Variants in NRG1 observed in about 807,000 individuals in gnomAD.
The protein encoded by NRG1 is pro-neuregulin-1, membrane-bound isoform.
Under a neutral mutation model 63.8 loss-of-function variants are expected in NRG1, and 18 were observed. That is an observed-to-expected ratio of 0.28 (90% CI 0.19 to 0.42). The LOEUF is 0.42. NRG1 is among the 10% of genes least tolerant of loss of function. The pLI, the probability that NRG1 is intolerant of heterozygous loss-of-function variation, is 1.00. For missense variants in NRG1, 762 were observed against 814.7 expected (o/e 0.94, Z 0.79); for synonymous variants, 302 against 301.3 (o/e 1.00, Z -0.02).
chr8:32,277,764 G>T (rs1852263582), intron 1 of NRG1, among the ~76,000 whole-genome samples: 1 of 152,132 alleles, frequency 6.6e-6, no homozygotes, highest in Admixed American at 6.5e-5. Flanking sequence ...TACCTGGGAG[G>T]GCCTTCCATA....
chr8:32,165,849 T>C (rs1839340782), intron 1 of NRG1, among the ~76,000 whole-genome samples: 1 of 152,124 alleles, frequency 6.6e-6, no homozygotes, highest in Admixed American at 6.6e-5. Flanking sequence ...GTGTGAAAGA[T>C]ACCAAGAAAA....
At chr8:32,634,619 A>C (rs1019222344) in intron 5 of NRG1, among the ~76,000 whole-genome samples, 6 of 152,214 alleles carry the variant, frequency 3.9e-5, no homozygotes, top group African/African-American at 1.4e-4. Context: ...TAGAAACTGT[A>C]ATATGTATGT....
At chr8:31,864,712 G>A (rs145315047) in intron 1 of NRG1, among the ~76,000 whole-genome samples, 2 of 152,322 alleles carry the variant, frequency 1.3e-5, no homozygotes, top group African/African-American at 4.8e-5. Flanking sequence ...ACTTAGAACA[G>A]TGAGAGCACT....
chr8:31,759,533 A>G (rs911615877), intron 1 of NRG1, among the ~76,000 whole-genome samples: 3 of 152,124 alleles, frequency 2.0e-5, no homozygotes, highest in Non-Finnish European at 2.9e-5. Context: ...TACAAAAGCC[A>G]TAAGTCACTT....
intron 1 of NRG1, among the ~76,000 whole-genome samples, chr8:32,110,776 G>T (rs933848860): frequency 6.6e-6 from 1 of 152,016 alleles, no homozygotes; most frequent in African/African-American, 2.4e-5. Flanking sequence ...TTCCCTTTCC[G>T]CACAGTCCCC....
At chr8:32,157,485 C>G (rs947119600) in intron 1 of NRG1, among the ~76,000 whole-genome samples, 2 of 150,794 alleles carry the variant, frequency 1.3e-5, no homozygotes, top group African/African-American at 4.9e-5. Flanking sequence ...CATGGTGAAA[C>G]CCTGTCTCTA....
At chr8:32,765,185 C>T (rs1831328431) in exon 12 of NRG1, 1 of 151,990 alleles carries the variant, frequency 6.6e-6, no homozygotes, top group Admixed American at 6.6e-5. Flanking sequence ...AAATCTAACA[C>T]CTTACAAGAG....
chr8:32,761,721 AC>A (rs1410936862), intron 11 of NRG1, among the ~76,000 whole-genome samples: 1 of 151,730 alleles, frequency 6.6e-6, no homozygotes, highest in Non-Finnish European at 1.5e-5. Flanking sequence ...GACTCTTCCC[AC>A]TCATGGACTG....
At chr8:32,180,592 G>A (rs2132099528) in intron 1 of NRG1, among the ~76,000 whole-genome samples, 1 of 152,050 alleles carries the variant, frequency 6.6e-6, no homozygotes, top group East Asian at 1.9e-4. Flanking sequence ...CACAAGTACT[G>A]TTAATATTTT....
At chr8:31,788,076 A>T (rs1820349324) in intron 1 of NRG1, among the ~76,000 whole-genome samples, 1 of 152,154 alleles carries the variant, frequency 6.6e-6, no homozygotes, top group Admixed American at 6.6e-5. Flanking sequence ...ACAGTCAGTG[A>T]TTGCAAAGCT....
chr8:31,818,214 C>T (rs182072753), intron 1 of NRG1, among the ~76,000 whole-genome samples: 2 of 152,270 alleles, frequency 1.3e-5, no homozygotes, highest in East Asian at 1.9e-4. Context: ...TTTGTGCATA[C>T]TTATTGTCAG....
intron 1 of NRG1, among the ~76,000 whole-genome samples, chr8:31,846,550 G>T (rs192685495): frequency 5.3e-5 from 8 of 152,226 alleles, no homozygotes; most frequent in African/African-American, 1.2e-4. Flanking sequence ...GTTTCCTAAG[G>T]CTTCAAATAA....
At chr8:32,551,950 G>T (rs1022849487) in intron 1 of NRG1, among the ~76,000 whole-genome samples, 1 of 133,696 alleles carries the variant, frequency 7.5e-6, no homozygotes, top group East Asian at 2.3e-4. Flanking sequence ...TCGCTCTGTC[G>T]CCAGGCTGGA....
chr8:31,859,047 A>G (rs1429954910), intron 1 of NRG1, among the ~76,000 whole-genome samples: 1 of 152,182 alleles, frequency 6.6e-6, no homozygotes, highest in Non-Finnish European at 1.5e-5. Context: ...CATTGGCAAA[A>G]AAGTGTTGAT....
intron 1 of NRG1, among the ~76,000 whole-genome samples, chr8:32,250,247 C>T (rs1848965270): frequency 6.6e-6 from 1 of 152,090 alleles, no homozygotes; most frequent in African/African-American, 2.4e-5. Context: ...TAGCCAAGTT[C>T]CACTACATTT....
At chr8:31,901,417 GAAA>G (rs1335245950) in intron 1 of NRG1, among the ~76,000 whole-genome samples, 1 of 152,046 alleles carries the variant, frequency 6.6e-6, no homozygotes, top group Admixed American at 6.5e-5. Flanking sequence ...ATCTGAAAAA[GAAA>G]AAAGTGATGA....
chr8:32,265,999 A>G (rs1850894454), intron 1 of NRG1, among the ~76,000 whole-genome samples: 1 of 152,188 alleles, frequency 6.6e-6, no homozygotes, highest in Admixed American at 6.5e-5. Context: ...TACATCAGGG[A>G]CTTGAGCATT....
intron 1 of NRG1, among the ~76,000 whole-genome samples, chr8:32,536,356 G>A (rs1160028463): frequency 6.6e-6 from 1 of 152,158 alleles, no homozygotes; most frequent in South Asian, 2.1e-4. Context: ...GGTCTTAGAT[G>A]TGTGGCCCTC....
At chr8:32,655,854 GTTT>G in intron 5 of NRG1, among the ~76,000 whole-genome samples, 1 of 152,220 alleles carries the variant, frequency 6.6e-6, no homozygotes, top group South Asian at 2.1e-4. Flanking sequence ...AGTAAGTACT[GTTT>G]TTGGAAAGAT....
Sources: allele counts gnomAD v4.1 joint callset (sites outside exome capture counted in the v4.1 genomes callset), GRCh38; gene constraint gnomAD v4.1.1; transcripts MANE v1.5; gene names NCBI Gene and HGNC (gene_info 2026-07-23, HGNC 2026-07-21).